The following APOL5 variants were observed in gnomAD, a reference collection of about 807,000 sequenced individuals.
The protein encoded by APOL5 is apolipoprotein L, 5.
Under a neutral mutation model 35.5 loss-of-function variants are expected in APOL5, and 29 were observed. The ratio of observed to expected loss-of-function variants is 0.82; its 90% confidence interval spans 0.61 to 1.11. APOL5 has a LOEUF of 1.11. Ranked by LOEUF, APOL5 falls within the 50% of genes most tolerant of loss-of-function variation. The probability of loss-of-function intolerance (pLI) is 0.00; values close to 1 mark genes in which losing one functional copy is unlikely to be tolerated. For synonymous variants in APOL5, 188 were observed against 200.2 expected (o/e 0.94, Z 0.51); for missense variants, 514 against 530.4 (o/e 0.97, Z 0.30).
intron 1 of APOL5, 36 bp downstream of exon 1, chr22:35,717,962 C>T: frequency 1.3e-6 from 2 of 1,506,392 alleles, no homozygotes; most frequent in South Asian, 2.7e-5. Context: ...ACAAGCAATT[C>T]TCACGTTGTA....
intron 2 of APOL5, among the ~76,000 whole-genome samples, chr22:35,725,964 C>A (rs764781665): frequency 3.3e-5 from 5 of 152,148 alleles, no homozygotes; most frequent in Non-Finnish European, 7.3e-5. Context: ...CTGTTATCAT[C>A]TTTGTTTCAA....
intron 2 of APOL5, among the ~76,000 whole-genome samples, chr22:35,721,694 C>T (rs1926975663): frequency 6.6e-6 from 1 of 152,150 alleles, no homozygotes; most frequent in Non-Finnish European, 1.5e-5. Flanking sequence ...TGCCTTCACC[C>T]TTTCCCAACC....
chr22:35,713,039 A>G (rs537674457), upstream of APOL5, among the ~76,000 whole-genome samples: 1 of 152,352 alleles, frequency 6.6e-6, no homozygotes, highest in African/African-American at 2.4e-5. Flanking sequence ...TATTTTGAAC[A>G]CAGCATTCTA....
chr22:35,722,075 C>G (rs1285172782), intron 2 of APOL5, among the ~76,000 whole-genome samples: 1 of 152,136 alleles, frequency 6.6e-6, no homozygotes, highest in African/African-American at 2.4e-5. Flanking sequence ...CCCAGTGCTC[C>G]CGTTAAGTCT....
At chr22:35,714,689 G>T (rs554243319), upstream of APOL5, among the ~76,000 whole-genome samples, 1 of 152,344 alleles carries the variant, frequency 6.6e-6, no homozygotes, top group Admixed American at 6.5e-5. Context: ...CTCCAGCAAT[G>T]AATGCAGGGT....
intron 2 of APOL5, among the ~76,000 whole-genome samples, chr22:35,724,507 G>T (rs1287115745): frequency 6.6e-6 from 1 of 151,992 alleles, no homozygotes; most frequent in Non-Finnish European, 1.5e-5. Flanking sequence ...ATGCATGTAT[G>T]TATATCTTTA....
In APOL5 at chr22:35,726,140, A is replaced by G. The variant is rs184488409; in HGVS notation, c.143-71A>G. On this transcript the variant is annotated intron_variant, in intron 2 of 4. Transcript: ENST00000249044. The stretch of plus-strand genomic sequence containing the variant: ...GAATTTTTGCAAAGGTGGTTTCGAC[A>G]TTGTACCTCGATTCTCAGGGCTCTG... 2.4e-3 allele frequency: 3,665 copies of G among 1,537,170 alleles called. 8 individuals carry two copies. The highest frequency in any genetic ancestry group is 2.7e-3 in the Non-Finnish European group (3,074 of 1,137,608).
At chr22:35,716,031 C>T (rs913371393), upstream of APOL5, among the ~76,000 whole-genome samples, 2 of 152,076 alleles carry the variant, frequency 1.3e-5, no homozygotes, top group Non-Finnish European at 2.9e-5. Context: ...TAATTTTCTA[C>T]ATCCAAGAGA....
At chr22:35,725,845 C>G (rs1927133603) in intron 2 of APOL5, among the ~76,000 whole-genome samples, 1 of 152,160 alleles carries the variant, frequency 6.6e-6, no homozygotes, top group Non-Finnish European at 1.5e-5. Context: ...CTTGTGGCCT[C>G]TGGCTGAATA....
rs559583807 is a variant in APOL5 at position 35,727,251 on chromosome 22, A to G, written c.1126+57A>G. The G allele has an allele frequency of 3.6e-5, 55 of 1,546,684 alleles. No homozygotes were observed. In the African/African-American group the frequency reaches 6.6e-4, roughly 19 times the overall value. ...CTTGCTCTTCTAAAAGCTTACCATGAGGGTGGGGGGCGACGAATGCTAAAC... is the reference window on the plus strand; with the variant it reads ...CTTGCTCTTCTAAAAGCTTACCATGGGGGTGGGGGGCGACGAATGCTAAAC... On this transcript the variant is annotated intron_variant, in intron 3 of 4. Coordinates refer to ENST00000249044, the MANE Select transcript of APOL5 (RefSeq NM_030642.1).
chr22:35,722,856 G>A (rs1414863757), intron 2 of APOL5, among the ~76,000 whole-genome samples: 1 of 152,156 alleles, frequency 6.6e-6, no homozygotes. Flanking sequence ...TAGCGGGGAG[G>A]TTATGCCTCT....
chr22:35,721,572 A>G (rs1926972815), intron 2 of APOL5, among the ~76,000 whole-genome samples: 1 of 151,974 alleles, frequency 6.6e-6, no homozygotes, highest in African/African-American at 2.4e-5. Flanking sequence ...TGGTAATGGT[A>G]AGTACATTGG....
chr22:35,709,289 A>C, the APOL5 span, among the ~76,000 whole-genome samples: 2 of 152,188 alleles, frequency 1.3e-5, no homozygotes, highest in Non-Finnish European at 2.9e-5. Flanking sequence ...TATGAATCAA[A>C]ATGTCTTTTC....
At chr22:35,712,333 G>A in the APOL5 span, among the ~76,000 whole-genome samples, 12 of 152,020 alleles carry the variant, frequency 7.9e-5, no homozygotes, top group African/African-American at 2.9e-4. Flanking sequence ...GGTAAGAGTC[G>A]TCTGCATAAG....
chr22:35,719,149 A>G (rs1926870309), intron 1 of APOL5, among the ~76,000 whole-genome samples: 1 of 152,238 alleles, frequency 6.6e-6, no homozygotes, highest in Non-Finnish European at 1.5e-5. Context: ...CGGATTTGAA[A>G]AATAACGGGA....
Position 35,720,653 on chromosome 22 carries a change from C to A in APOL5, c.141C>A (p.Phe47Leu). The A allele has an allele frequency of 1.9e-6, 3 of 1,607,364 alleles. No homozygotes were observed. Among genetic ancestry groups the A allele is most frequent in the Non-Finnish European group, 2.6e-6 (3 of 1,174,292 alleles). The change falls in exon 2 of 5, where the codon TTC becomes TTA. Residue 47 changes from phenylalanine (F) to leucine (L), a missense_variant and splice_region_variant. Phe to Leu is a conservative substitution (Grantham distance 22). Around this residue, in one of 3 missense-constraint regions of APOL5, gnomAD observed 254 missense variants for 254.7 expected, o/e 1.00. Transcript: ENST00000249044. ...GGGGGAAGTCCCCAGAACCTGAGTT[C>A]CGTGAGGGCAGAGAACAGGCTGTTA... ...EVWGKSPEPE[F>L]PSLVNLCQSW...
rs369423384 is a variant in APOL5, at chr22:35,727,129, C to G, written c.1061C>G (p.Ala354Gly). The change falls in exon 3 of 5, where the codon GCG becomes GGG. Residue 354 changes from alanine (A) to glycine (G), a missense_variant. This residue lies in a region of APOL5 where 238 missense variants were observed against 229.1 expected (regional missense o/e 1.04). Coordinates refer to ENST00000249044, the MANE Select transcript of APOL5 (RefSeq NM_030642.1). ...TQHHRHLPQKASQTCSSSRGR... is the reference protein window; with the variant it reads ...TQHHRHLPQKGSQTCSSSRGR... ...CACCACCGGCACCTGCCGCAGAAGG[C>G]GAGCCAGACCTGTTCCAGCTCCCGG... 1.9e-6 allele frequency: 3 copies of G among 1,610,090 alleles called. No homozygotes were observed. The African/African-American group carries it at 4.0e-5, about 21-fold the overall frequency.
intron 1 of APOL5, 33 bp downstream of exon 1, chr22:35,717,959 A>G: frequency 6.6e-7 from 1 of 1,516,774 alleles, no homozygotes; most frequent in South Asian, 1.3e-5. Context: ...AAAACAAGCA[A>G]TTCTCACGTT....
intron 3 of APOL5, among the ~76,000 whole-genome samples, chr22:35,728,151 G>A (rs71326585): frequency 0.01 from 1,557 of 152,326 alleles, 16 homozygotes; most frequent in Middle Eastern, 0.02. Flanking sequence ...TGATGAGTGG[G>A]TGGGTCCCAC....
Sources: gnomAD v4.1 joint callset for allele counts (sites outside exome capture counted in the v4.1 genomes callset) on GRCh38, gnomAD v4.1.1 for gene constraint, gnomAD v4.1.1 regional missense constraint, MANE v1.5 for transcripts, NCBI Gene and HGNC (gene_info 2026-07-23, HGNC 2026-07-21) for gene names.